Variants in SETD2 observed in about 807,000 individuals in gnomAD.
SETD2 encodes histone-lysine N-methyltransferase SETD2.
SETD2 carries 31 observed loss-of-function variants against 242.1 expected under a neutral mutation model. The ratio of observed to expected loss-of-function variants is 0.13; its 90% CI spans 0.10 to 0.17. The LOEUF is 0.17. SETD2 is among the 10% of genes least tolerant of loss of function. The pLI is 1.00. For missense variants in SETD2, 2,481 were observed against 3,046.3 expected (o/e 0.81, Z 4.37); for synonymous variants, 1,006 against 1,066.5 (o/e 0.94, Z 1.11).
intron 18 of SETD2, among the ~76,000 whole-genome samples, chr3:47,035,133 C>A (rs2038942344): frequency 6.6e-6 from 1 of 152,192 alleles, no homozygotes; most frequent in Admixed American, 6.5e-5. Context: ...ACAGACAATA[C>A]TGCCAATTAT....
Position 47,088,205 on chromosome 3 carries a change from G to C in SETD2, c.5185C>G (p.Leu1729Val), listed in dbSNP as rs2107651530. ...LEALMENGEG[L>V]SDKNQVLSLS... ...CTGAGCACCTGGTTTTTATCAGAGA[G>C]ACCCTCACCATTTTCCATCAGAGCT... Residue 1729 changes from leucine to valine, a missense_variant, in exon 10 of 21, where the codon CTC becomes GTC. This residue lies in a region of SETD2 where 62 missense variants were observed against 136.7 expected (regional missense o/e 0.45). Coordinates refer to ENST00000409792, the MANE Select transcript of SETD2 (RefSeq NM_014159.7). The C allele has an allele frequency of 6.2e-7, 1 of 1,613,348 alleles. No individual in the cohort carries two copies. Among genetic ancestry groups the C allele is most frequent in the Non-Finnish European group, 8.5e-7 (1 of 1,179,788 alleles).
Position 47,163,727 on chromosome 3 carries a change from C to G in SETD2, c.71+127G>C, listed in dbSNP as rs978621127. 568 of 946,988 alleles carry G rather than the reference C, an allele frequency of 6.0e-4. 1 individual carries two copies. Among genetic ancestry groups the G allele is most frequent in the South Asian group, 2.7e-3 (50 of 18,612 alleles). 58.7% of individuals were successfully genotyped at this position (946,988 alleles called of 1,614,324 possible). A position where few individuals can be genotyped will look rare whatever the true frequency, so the allele number is the denominator to read the frequency against. On this transcript the variant is annotated intron_variant, in intron 1 of 20. Coordinates refer to ENST00000409792, the MANE Select transcript of SETD2 (RefSeq NM_014159.7). ...GGCGCGGGCCTGCTCCCGACACCGA[C>G]CGCGCGAGGCCACCGTGGGCCTGTT...
chr3:47,138,896 T>A (rs180982382), intron 1 of SETD2, among the ~76,000 whole-genome samples: 1 of 152,278 alleles, frequency 6.6e-6, no homozygotes, highest in African/African-American at 2.4e-5. Flanking sequence ...GGAATCTCAA[T>A]AGCTATGGTG....
intron 12 of SETD2, among the ~76,000 whole-genome samples, chr3:47,072,975 A>G (rs992989365): frequency 2.8e-5 from 4 of 144,090 alleles, no homozygotes; most frequent in African/African-American, 1.0e-4. Context: ...AGAAAGAAAG[A>G]AAAAAAAAAA....
intron 18 of SETD2, among the ~76,000 whole-genome samples, chr3:47,033,292 G>C (rs2038856538): frequency 6.6e-6 from 1 of 152,138 alleles, no homozygotes; most frequent in African/African-American, 2.4e-5. Context: ...ATCCTTTAAA[G>C]CTCAAATGCC....
intron 1 of SETD2, among the ~76,000 whole-genome samples, chr3:47,154,290 T>A (rs1235921957): frequency 6.6e-6 from 1 of 151,972 alleles, no homozygotes; most frequent in African/African-American, 2.4e-5. Context: ...GCGCCTGTAG[T>A]CCCAGCTACT....
rs1252087914 is a variant in SETD2, at chr3:47,120,603, C to A, written c.4033G>T (p.Asp1345Tyr). The change falls in exon 3 of 21, where the codon GAT (aspartate) becomes TAT (tyrosine). Residue 1345 changes from aspartate (D) to tyrosine (Y), a missense_variant. Around this residue, in one of 17 missense-constraint regions of SETD2, gnomAD observed 1,300 missense variants for 1,259.2 expected, o/e 1.03. Coordinates refer to ENST00000409792, the MANE Select transcript of SETD2 (RefSeq NM_014159.7). ...GACTGGTCTGAAAAATGGGATCCAT[C>A]CTGTTGATCCCAATTCTCCTCTTCT... ...REEEENWDQQ[D>Y]GSHFSDQSDK... The A allele has an allele frequency of 6.2e-7, 1 of 1,613,802 alleles. No individual in the cohort carries two copies. Among genetic ancestry groups the A allele is most frequent in the Non-Finnish European group, 8.5e-7 (1 of 1,179,786 alleles).
intron 1 of SETD2, among the ~76,000 whole-genome samples, chr3:47,141,245 C>T (rs1206677349): frequency 1.3e-5 from 2 of 151,948 alleles, no homozygotes; most frequent in Non-Finnish European, 2.9e-5. Flanking sequence ...TGGGCTCAAG[C>T]GATCTGCCTG....
intron 16 of SETD2, 45 bp from the exon 17 acceptor site, chr3:47,042,745 A>C: frequency 6.5e-7 from 1 of 1,531,972 alleles, no homozygotes; most frequent in Non-Finnish European, 8.8e-7. Context: ...TCTCTCTCTT[A>C]ATCTGGCTGA....
At chr3:47,088,649 T>G (rs954019092) in intron 9 of SETD2, among the ~76,000 whole-genome samples, 5 of 152,292 alleles carry the variant, frequency 3.3e-5, no homozygotes, top group African/African-American at 1.2e-4. Context: ...GTTTTCACGC[T>G]GCTGTGTGAG....
intron 1 of SETD2, among the ~76,000 whole-genome samples, chr3:47,155,841 G>GT (rs1462846080): frequency 1.4e-3 from 210 of 148,338 alleles, no homozygotes; most frequent in East Asian, 2.5e-3. Flanking sequence ...TGTTTTTGTT[G>GT]TTTTTTTTTT....
chr3:47,113,479 T>C (rs1194586403), intron 5 of SETD2, among the ~76,000 whole-genome samples: 2 of 152,114 alleles, frequency 1.3e-5, no homozygotes, highest in African/African-American at 4.8e-5. Flanking sequence ...ATAATCATCA[T>C]TAAACCTCAG....
At chr3:47,070,191 A>G (rs2107607346) in intron 12 of SETD2, among the ~76,000 whole-genome samples, 2 of 152,360 alleles carry the variant, frequency 1.3e-5, no homozygotes, top group African/African-American at 4.8e-5. Flanking sequence ...ACGCTTCTCA[A>G]AGATAAATTC....
chr3:47,152,664 G>C (rs1237661440), intron 1 of SETD2, among the ~76,000 whole-genome samples: 1 of 152,176 alleles, frequency 6.6e-6, no homozygotes, highest in Non-Finnish European at 1.5e-5. Flanking sequence ...AGCTAACCAT[G>C]AAGCAAATAG....
At chr3:47,127,675 A>C (rs2106746522) in intron 1 of SETD2, 1 of 315,958 alleles carries the variant, frequency 3.2e-6, no homozygotes, top group Non-Finnish European at 6.3e-6. Flanking sequence ...CAGCCTGGCC[A>C]ACATGGTGAA....
At chr3:47,162,915 C>T (rs910916014) in intron 1 of SETD2, among the ~76,000 whole-genome samples, 3 of 152,122 alleles carry the variant, frequency 2.0e-5, no homozygotes, top group African/African-American at 4.8e-5. Flanking sequence ...GTAAAGGTGT[C>T]CTAGACTGAA....
Position 47,148,638 on chromosome 3 carries a change from C to T in SETD2, c.71+15216G>A, listed in dbSNP as rs2043916314. On this transcript the variant is annotated intron_variant, in intron 1 of 20. Coordinates refer to ENST00000409792, the MANE Select transcript of SETD2 (RefSeq NM_014159.7). ...AATAAATGCACATTTCTGAATCAGACAATCATTAATTAGGGTCTTAAATTA... is the reference window on the plus strand; with the variant it reads ...AATAAATGCACATTTCTGAATCAGATAATCATTAATTAGGGTCTTAAATTA... Among the ~76,000 whole-genome samples the T allele has an allele frequency of 2.6e-5, 4 of 152,182 alleles. No homozygotes were observed. The South Asian group carries it at 8.3e-4, about 31-fold the overall frequency.
At chr3:47,092,741 T>C (rs1418089029) in intron 9 of SETD2, among the ~76,000 whole-genome samples, 1 of 151,920 alleles carries the variant, frequency 6.6e-6, no homozygotes, top group African/African-American at 2.4e-5. Flanking sequence ...AATACACATA[T>C]AGACAGAAAT....
At chr3:47,161,801 C>G (rs1697494350) in intron 1 of SETD2, among the ~76,000 whole-genome samples, 1 of 151,416 alleles carries the variant, frequency 6.6e-6, no homozygotes, top group Non-Finnish European at 1.5e-5. Context: ...ATAGTCCCAA[C>G]CCAGGAGGCT....
Sources: gnomAD v4.1 joint callset for allele counts (sites outside exome capture counted in the v4.1 genomes callset) on GRCh38, gnomAD v4.1.1 for gene constraint, gnomAD v4.1.1 regional missense constraint, MANE v1.5 for transcripts, NCBI Gene and HGNC (gene_info 2026-07-23, HGNC 2026-07-21) for gene names.